The following ERICH1 variants were observed in gnomAD, a reference collection of about 807,000 sequenced individuals.
ERICH1 encodes the protein glutamate-rich protein 1.
In ERICH1, 56 loss-of-function variants were observed where a neutral mutation model predicts 39.6. The ratio of observed to expected loss-of-function variants is 1.41; its 90% CI spans 1.14 to 1.77. The LOEUF (loss-of-function observed/expected upper bound fraction) is 1.77, where lower values mean the gene tolerates loss of function less well. Ranked by LOEUF, ERICH1 falls within the 40% of genes most tolerant of loss-of-function variation. The pLI, the probability that ERICH1 is intolerant of heterozygous loss-of-function variation, is 0.00. For missense variants in ERICH1, 826 were observed against 575.4 expected, an observed-to-expected ratio of 1.44 and a Z score of -4.45; for synonymous variants, 313 against 223.6, an observed-to-expected ratio of 1.40 and a Z score of -3.57.
At chr8:668,913 G>T in intron 4 of ERICH1, 121 bp from the exon 5 acceptor site, 1 of 866,204 alleles carries the variant, frequency 1.2e-6, no homozygotes, top group Non-Finnish European at 1.7e-6. Flanking sequence ...TGACATATCT[G>T]GGAGATGAGA....
At chr8:630,386 A>C (rs1212097345) in intron 3 of ERICH1, among the ~76,000 whole-genome samples, 1 of 135,786 alleles carries the variant, frequency 7.4e-6, no homozygotes, top group Admixed American at 7.2e-5. Context: ...GTGACCACCC[A>C]CACAGACAGA....
At chr8:633,054 C>T (rs1466741870) in intron 3 of ERICH1, among the ~76,000 whole-genome samples, 1 of 152,180 alleles carries the variant, frequency 6.6e-6, no homozygotes, top group Non-Finnish European at 1.5e-5. Flanking sequence ...AACGCACAAC[C>T]AGTGTGGGGC....
chr8:655,187 T>C (rs1563193143), intron 3 of ERICH1, among the ~76,000 whole-genome samples: 3 of 152,196 alleles, frequency 2.0e-5, no homozygotes, highest in African/African-American at 7.2e-5. Flanking sequence ...TTTGATTTTG[T>C]TCTTCAGCTT....
At chr8:681,984 C>T (rs1806234492) in intron 3 of ERICH1, among the ~76,000 whole-genome samples, 1 of 152,192 alleles carries the variant, frequency 6.6e-6, no homozygotes, top group African/African-American at 2.4e-5. Flanking sequence ...GGTTGTTTAG[C>T]CAGACTCTCC....
chr8:728,696 T>G (rs1239530131), intron 1 of ERICH1, among the ~76,000 whole-genome samples: 4 of 152,216 alleles, frequency 2.6e-5, no homozygotes, highest in Admixed American at 2.0e-4. Context: ...TGGTCGGAGC[T>G]GCACAGCACC....
intron 1 of ERICH1, among the ~76,000 whole-genome samples, chr8:717,401 T>C (rs907162003): frequency 6.6e-6 from 1 of 152,182 alleles, no homozygotes; most frequent in African/African-American, 2.4e-5. Context: ...CGGAGACACC[T>C]TGGCTCTCAG....
intron 2 of ERICH1, among the ~76,000 whole-genome samples, chr8:704,801 G>A (rs1428860218): frequency 2.0e-5 from 3 of 152,150 alleles, no homozygotes; most frequent in Non-Finnish European, 1.5e-5. Flanking sequence ...AACAGTGTAA[G>A]TGCGTGACTC....
At chr8:630,393 C>G (rs1348586042) in intron 3 of ERICH1, among the ~76,000 whole-genome samples, 1 of 142,954 alleles carries the variant, frequency 7.0e-6, no homozygotes, top group African/African-American at 2.7e-5. Flanking sequence ...CCCACACAGA[C>G]AGAGCTGACT....
At chr8:700,488 G>A (rs866598974) in intron 2 of ERICH1, among the ~76,000 whole-genome samples, 639 of 43,148 alleles carry the variant, frequency 0.015, 23 homozygotes, top group Non-Finnish European at 0.03. Context: ...AGGCGCACAG[G>A]CCCGCACACG....
chr8:726,617 CAT>C (rs1239112899), intron 1 of ERICH1, among the ~76,000 whole-genome samples: 1 of 151,182 alleles, frequency 6.6e-6, no homozygotes, highest in South Asian at 2.1e-4. Context: ...CATGCATGCA[CAT>C]AGACACAGGT....
chr8:622,956 CAATAAATA>C (rs71202635), intron 3 of ERICH1, among the ~76,000 whole-genome samples: 2 of 143,944 alleles, frequency 1.4e-5, no homozygotes, highest in South Asian at 2.3e-4. Flanking sequence ...GATCCGCTCT[CAATAAATA>C]AATAAATAAA....
chr8:621,464 T>C (rs772216661), intron 3 of ERICH1, among the ~76,000 whole-genome samples: 2 of 151,874 alleles, frequency 1.3e-5, no homozygotes, highest in African/African-American at 4.8e-5. Flanking sequence ...ACACAGTAAA[T>C]ATATGTAATT....
chr8:720,812 C>T (rs796684056), intron 1 of ERICH1, among the ~76,000 whole-genome samples: 15 of 152,298 alleles, frequency 9.8e-5, no homozygotes, highest in African/African-American at 3.1e-4. Flanking sequence ...TGAAGGAAAA[C>T]GTCTTTCCCA....
intron 2 of ERICH1, among the ~76,000 whole-genome samples, chr8:715,141 G>A (rs1363625528): frequency 4.0e-5 from 6 of 151,822 alleles, no homozygotes; most frequent in South Asian, 2.1e-4. Flanking sequence ...ATCTCTCAGT[G>A]GGATGTGCTG....
chr8:677,790 A>G (rs1302138383), intron 3 of ERICH1, among the ~76,000 whole-genome samples: 1 of 152,190 alleles, frequency 6.6e-6, no homozygotes, highest in African/African-American at 2.4e-5. Context: ...TCCCACCCAC[A>G]GGAAGCCCCT....
intron 3 of ERICH1, among the ~76,000 whole-genome samples, chr8:652,788 C>T (rs369428140): frequency 3.9e-5 from 6 of 152,110 alleles, no homozygotes; most frequent in South Asian, 2.1e-4. Context: ...AAAGTAGGCA[C>T]GGGACCGGAA....
intron 3 of ERICH1, 54 bp from the exon 4 acceptor site, chr8:674,101 C>G (rs1383031530): frequency 6.8e-7 from 1 of 1,480,754 alleles, no homozygotes; most frequent in Non-Finnish European, 8.9e-7. Context: ...CCATAACAAA[C>G]ATATTAGGCT....
chr8:653,811 G>A (rs1023435200), intron 3 of ERICH1, among the ~76,000 whole-genome samples: 5 of 151,614 alleles, frequency 3.3e-5, no homozygotes, highest in African/African-American at 4.8e-5. Flanking sequence ...AGAGGTCTCC[G>A]GAGGGGTTGG....
At chr8:642,001 C>A (rs1001327469) in intron 3 of ERICH1, among the ~76,000 whole-genome samples, 2 of 152,248 alleles carry the variant, frequency 1.3e-5, no homozygotes, top group Non-Finnish European at 2.9e-5. Flanking sequence ...CTGCTCAGAA[C>A]AGTGGGAGAC....
Sources: gnomAD v4.1 joint callset for allele counts (sites outside exome capture counted in the v4.1 genomes callset) on GRCh38, gnomAD v4.1.1 for gene constraint, MANE v1.5 for transcripts, NCBI Gene and HGNC (gene_info 2026-07-23, HGNC 2026-07-21) for gene names.